PCDH15: variants seen among roughly 807,000 people sequenced by gnomAD.
PCDH15 encodes the protein protocadherin related 15.
PCDH15 carries 129 observed loss-of-function variants against 178.5 expected under a neutral mutation model. The observed-to-expected ratio is 0.72, with a 90% CI of 0.63 to 0.84. The LOEUF (loss-of-function observed/expected upper bound fraction) is 0.84. Among genes scored for constraint, PCDH15 ranks in the 40% least tolerant of loss-of-function variants. PCDH15 has a pLI of 0.00. For missense variants in PCDH15, 2,230 were observed against 2,099.9 expected, an observed-to-expected ratio of 1.06 and a Z score of -1.21; for synonymous variants, 800 against 732.0, an observed-to-expected ratio of 1.09 and a Z score of -1.50.
At chr10:55,246,352 T>A (rs1841679376) in intron 1 of PCDH15, among the ~76,000 whole-genome samples, 1 of 152,146 alleles carries the variant, frequency 6.6e-6, no homozygotes, top group Non-Finnish European at 1.5e-5. Context: ...AAAGATAATA[T>A]TGAGAATAAA....
intron 14 of PCDH15, among the ~76,000 whole-genome samples, chr10:54,136,408 T>C (rs1486824040): frequency 6.6e-6 from 1 of 151,916 alleles, no homozygotes; most frequent in Non-Finnish European, 1.5e-5. Flanking sequence ...ATTTTTTTTT[T>C]TTTGACCTGG....
intron 3 of PCDH15, among the ~76,000 whole-genome samples, chr10:54,520,576 G>A (rs944331533): frequency 6.6e-6 from 1 of 152,094 alleles, no homozygotes; most frequent in African/African-American, 2.4e-5. Flanking sequence ...AGGTGCTGGA[G>A]AGGATGTGGA....
At chr10:53,878,290 AATATAT>A (rs200022201) in intron 26 of PCDH15, among the ~76,000 whole-genome samples, 2 of 130,680 alleles carry the variant, frequency 1.5e-5, no homozygotes, top group Non-Finnish European at 3.1e-5. Flanking sequence ...ACACACTTTG[AATATAT>A]ATATAGACTA....
At chr10:54,494,753 T>C (rs192227032) in intron 3 of PCDH15, among the ~76,000 whole-genome samples, 67 of 152,270 alleles carry the variant, frequency 4.4e-4, no homozygotes, top group Admixed American at 2.0e-3. Flanking sequence ...ATAATTCTTT[T>C]GAATAGGGTC....
At chr10:54,729,538 C>T (rs987414573) in intron 1 of PCDH15, among the ~76,000 whole-genome samples, 1 of 151,530 alleles carries the variant, frequency 6.6e-6, no homozygotes, top group African/African-American at 2.4e-5. Flanking sequence ...GCAATAAAAA[C>T]AAAAATTGAC....
intron 2 of PCDH15, among the ~76,000 whole-genome samples, chr10:55,106,429 T>C (rs1842675876): frequency 6.6e-6 from 1 of 152,188 alleles, no homozygotes; most frequent in Admixed American, 6.5e-5. Flanking sequence ...ATTACTATTT[T>C]TGAGAAGGAG....
chr10:55,372,484 TAGGTCA>T (rs1439365953), intron 2 of PCDH15, among the ~76,000 whole-genome samples: 3 of 152,156 alleles, frequency 2.0e-5, no homozygotes, highest in African/African-American at 7.2e-5. Flanking sequence ...ACAACCCAGT[TAGGTCA>T]GTAATATTTA....
intron 12 of PCDH15, among the ~76,000 whole-genome samples, chr10:54,183,935 T>C (rs1206012792): frequency 6.6e-6 from 1 of 152,054 alleles, no homozygotes; most frequent in East Asian, 1.9e-4. Context: ...AATTGGAAAA[T>C]ATTATTTGCA....
At chr10:55,003,555 T>C (rs986013382) in intron 2 of PCDH15, among the ~76,000 whole-genome samples, 6 of 152,174 alleles carry the variant, frequency 3.9e-5, no homozygotes, top group African/African-American at 1.4e-4. Context: ...GTTTCTCTCT[T>C]TGCCTGATTT....
chr10:54,244,138 T>C (rs1258364405), intron 8 of PCDH15, among the ~76,000 whole-genome samples: 1 of 152,228 alleles, frequency 6.6e-6, no homozygotes, highest in African/African-American at 2.4e-5. Flanking sequence ...CTTGTTTTAT[T>C]ATTTCCATGA....
At chr10:55,358,927 C>CA (rs1433583507) in intron 2 of PCDH15, among the ~76,000 whole-genome samples, 1 of 152,090 alleles carries the variant, frequency 6.6e-6, no homozygotes, top group African/African-American at 2.4e-5. Context: ...CATGATGGCT[C>CA]AGGCCTGTAG....
intron 2 of PCDH15, among the ~76,000 whole-genome samples, chr10:55,446,825 C>G (rs985332849): frequency 1.3e-5 from 2 of 152,030 alleles, no homozygotes. Context: ...CTCGAACTGA[C>G]TCACACAGAC....
At chr10:55,510,011 A>G (rs1481686810) in intron 2 of PCDH15, among the ~76,000 whole-genome samples, 2 of 151,984 alleles carry the variant, frequency 1.3e-5, no homozygotes, top group African/African-American at 4.8e-5. Flanking sequence ...TGACTCCAAA[A>G]TGAAAACTTC....
At chr10:54,723,823 T>A (rs1406307264) in intron 1 of PCDH15, among the ~76,000 whole-genome samples, 1 of 151,746 alleles carries the variant, frequency 6.6e-6, no homozygotes, top group Admixed American at 6.6e-5. Flanking sequence ...GAAATGCAAG[T>A]TAAAATCACA....
chr10:55,391,930 A>G lies in PCDH15; in HGVS notation c.-155-225279T>C, dbSNP rs147548281. ...TAACCATTTTTAGCTTTTGATTTAA[A>G]GTAACAGACATGCAACTCTTCCTTT... On this transcript the variant is annotated intron_variant, in intron 2 of 5. Transcript: ENST00000613346. Among the ~76,000 whole-genome samples, 15 of 152,320 alleles carry G rather than the reference A, an allele frequency of 9.8e-5. No individual in the cohort carries two copies. In the East Asian group the frequency reaches 2.7e-3, roughly 27 times the overall value.
At chr10:55,012,850 C>T (rs1840080020) in intron 2 of PCDH15, among the ~76,000 whole-genome samples, 1 of 152,100 alleles carries the variant, frequency 6.6e-6, no homozygotes, top group Admixed American at 6.6e-5. Flanking sequence ...TTAACATTTA[C>T]ATGGGTGTCT....
chr10:54,246,551 T>C lies in PCDH15; in HGVS notation c.877-9620A>G, dbSNP rs563946569. ...AATGGTTATACTATCATCCATTAGA[T>C]GAATACATCATATTTTATATGTTAG... On this transcript the variant is annotated intron_variant, in intron 8 of 37. Transcript: ENST00000644397. 3.9e-5 allele frequency among the ~76,000 whole-genome samples: 6 copies of C among 152,110 alleles called. No homozygotes were observed. The South Asian group carries it at 1.2e-3, about 31-fold the overall frequency.
chr10:54,886,588 C>G (rs1954362465), intron 3 of PCDH15, among the ~76,000 whole-genome samples: 1 of 152,150 alleles, frequency 6.6e-6, no homozygotes, highest in Non-Finnish European at 1.5e-5. Flanking sequence ...GTGGTAAAAC[C>G]ACATCTCTAC....
At chr10:54,331,251 T>C (rs1231798103) in intron 6 of PCDH15, among the ~76,000 whole-genome samples, 2 of 151,826 alleles carry the variant, frequency 1.3e-5, no homozygotes, top group Non-Finnish European at 2.9e-5. Context: ...AGAGCTGTGA[T>C]CTGTCTCCTT....
Sources: allele counts gnomAD v4.1 joint callset (sites outside exome capture counted in the v4.1 genomes callset), GRCh38; gene constraint gnomAD v4.1.1; transcripts MANE v1.5; gene names NCBI Gene and HGNC (gene_info 2026-07-23, HGNC 2026-07-21).